Variants in DLGAP2 observed in about 807,000 individuals in gnomAD.
DLGAP2 encodes the protein disks large-associated protein 2.
DLGAP2 carries 26 observed loss-of-function variants against 100.3 expected under a neutral mutation model. The ratio of observed to expected loss-of-function variants is 0.26; its 90% CI spans 0.19 to 0.36. DLGAP2 has a LOEUF of 0.36. DLGAP2 is among the 10% of genes least tolerant of loss of function. The probability of loss-of-function intolerance (pLI) is 1.00; values close to 1 mark genes in which losing one functional copy is unlikely to be tolerated. For synonymous variants in DLGAP2, 886 were observed against 630.1 expected (o/e 1.41, Z -6.08); for missense variants, 1,858 against 1,453.2 (o/e 1.28, Z -4.53).
At chr8:1,627,319 TGCCGGTCG>T (rs546407781) in intron 7 of DLGAP2, among the ~76,000 whole-genome samples, 13 of 152,296 alleles carry the variant, frequency 8.5e-5, no homozygotes, top group Non-Finnish European at 1.3e-4. Flanking sequence ...CACAGAGTCC[TGCCGGTCG>T]GCCCCACTCC....
At chr8:781,377 G>T (rs555624641) in intron 1 of DLGAP2, among the ~76,000 whole-genome samples, 4 of 151,880 alleles carry the variant, frequency 2.6e-5, no homozygotes, top group Admixed American at 6.6e-5. Flanking sequence ...TTCATGGAAG[G>T]GTTAGGAACA....
rs144839232 is a variant in DLGAP2, at chr8:1,595,278, A to G, written c.1442+29384A>G. On this transcript the variant is annotated intron_variant, in intron 6 of 14. Transcript: ENST00000637795. ...TTTTACGGGCTTTTTTTAAATATAT[A>G]TAAACTTTTTATTGACAAATAACAT... is the stretch of plus-strand genomic sequence containing the variant. Among the ~76,000 whole-genome samples the G allele has an allele frequency of 9.3e-4, 142 of 152,130 alleles. 2 individuals are homozygous for G. The East Asian group carries it at 0.024, about 26-fold the overall frequency.
At chr8:854,551 C>A (rs149548441) in intron 1 of DLGAP2, among the ~76,000 whole-genome samples, 2 of 151,922 alleles carry the variant, frequency 1.3e-5, no homozygotes, top group African/African-American at 2.4e-5. Context: ...CATGTGTGTT[C>A]ATGTGTGCAT....
Position 1,444,582 on chromosome 8 carries a change from G to A in DLGAP2, c.107-56784G>A, listed in dbSNP as rs181548749. ...TCAAAGAGCACATTGACAATGCTCC[G>A]TGATTCCGAGAACCCTCCCTCCACC... On this transcript the variant is annotated intron_variant, in intron 3 of 14. Coordinates refer to ENST00000637795, the MANE Select transcript of DLGAP2 (RefSeq NM_001346810.2). Among the ~76,000 whole-genome samples the A allele has an allele frequency of 6.6e-5, 10 of 152,008 alleles. No homozygotes were observed. The East Asian group carries it at 1.6e-3, about 24-fold the overall frequency.
At chr8:1,158,107 C>T (rs1796825502) in intron 2 of DLGAP2, among the ~76,000 whole-genome samples, 1 of 152,232 alleles carries the variant, frequency 6.6e-6, no homozygotes, top group Non-Finnish European at 1.5e-5. Context: ...TTTAGTTTTT[C>T]TAATAGACCA....
At chr8:1,596,003 C>G (rs1332490865) in intron 6 of DLGAP2, among the ~76,000 whole-genome samples, 1 of 151,916 alleles carries the variant, frequency 6.6e-6, no homozygotes, top group African/African-American at 2.4e-5. Flanking sequence ...GGTGTAACCC[C>G]TAATGCTATC....
chr8:894,303 C>T lies in DLGAP2; in HGVS notation c.19-13609C>T, dbSNP rs993920497. Among the ~76,000 whole-genome samples, 6 of 152,140 alleles carry T rather than the reference C, an allele frequency of 3.9e-5. No homozygotes were observed. The South Asian group carries it at 1.0e-3, about 26-fold the overall frequency. On this transcript the variant is annotated intron_variant, in intron 1 of 14. Coordinates refer to ENST00000637795, the MANE Select transcript of DLGAP2 (RefSeq NM_001346810.2). ...GCACGGTCGAGACATCTCTGTGTTACAGAGACTGGTGTGACAGGGACAGGG... is the reference window on the plus strand; with the variant it reads ...GCACGGTCGAGACATCTCTGTGTTATAGAGACTGGTGTGACAGGGACAGGG...
chr8:821,425 A>G (rs936337477), intron 1 of DLGAP2, among the ~76,000 whole-genome samples: 2 of 152,218 alleles, frequency 1.3e-5, no homozygotes, highest in African/African-American at 2.4e-5. Flanking sequence ...AAAAAACACA[A>G]GTGTTCGTAC....
chr8:1,646,950 G>C (rs539771153), intron 8 of DLGAP2, among the ~76,000 whole-genome samples: 2 of 152,324 alleles, frequency 1.3e-5, no homozygotes, highest in East Asian at 1.9e-4. Context: ...CGTCGGAAAG[G>C]CCAGGGCACA....
intron 3 of DLGAP2, among the ~76,000 whole-genome samples, chr8:1,361,822 A>T (rs1451449953): frequency 6.6e-6 from 1 of 152,212 alleles, no homozygotes; most frequent in Non-Finnish European, 1.5e-5. Context: ...TTCTAAGAGA[A>T]ACGTGCTCGC....
intron 2 of DLGAP2, among the ~76,000 whole-genome samples, chr8:913,299 A>C (rs929195937): frequency 2.0e-5 from 3 of 152,200 alleles, no homozygotes; most frequent in African/African-American, 2.4e-5. Context: ...TCTGTTTGAT[A>C]ATTGTAAATC....
chr8:883,854 T>C (rs1797869007), intron 1 of DLGAP2, among the ~76,000 whole-genome samples: 1 of 152,232 alleles, frequency 6.6e-6, no homozygotes, highest in Non-Finnish European at 1.5e-5. Context: ...TGTGTTCTCA[T>C]TGTTCATCTC....
At chr8:1,134,289 G>A (rs899108486) in intron 2 of DLGAP2, among the ~76,000 whole-genome samples, 3 of 152,140 alleles carry the variant, frequency 2.0e-5, no homozygotes, top group Non-Finnish European at 2.9e-5. Flanking sequence ...GAATAGTGCT[G>A]CAATGAACGT....
At chr8:1,246,266 A>G (rs1210968360) in intron 2 of DLGAP2, among the ~76,000 whole-genome samples, 1 of 152,216 alleles carries the variant, frequency 6.6e-6, no homozygotes, top group Non-Finnish European at 1.5e-5. Context: ...AGTTCTAGAA[A>G]CTTGCAGTCA....
chr8:1,151,533 C>G (rs1796697175), intron 2 of DLGAP2, among the ~76,000 whole-genome samples: 1 of 152,178 alleles, frequency 6.6e-6, no homozygotes, highest in Non-Finnish European at 1.5e-5. Flanking sequence ...ATCCTCAGTG[C>G]AGGCTTTCCG....
chr8:1,436,940 C>G (rs1584901528), intron 3 of DLGAP2, among the ~76,000 whole-genome samples: 1 of 152,366 alleles, frequency 6.6e-6, no homozygotes, highest in African/African-American at 2.4e-5. Context: ...GTCTTCAGTG[C>G]AGTCACACGC....
chr8:945,606 A>G (rs1027324683), intron 2 of DLGAP2, among the ~76,000 whole-genome samples: 1 of 152,114 alleles, frequency 6.6e-6, no homozygotes, highest in Non-Finnish European at 1.5e-5. Flanking sequence ...CTTAACGTGC[A>G]TTTGTGTAAG....
At chr8:1,437,544 T>G (rs1797681616) in intron 3 of DLGAP2, among the ~76,000 whole-genome samples, 1 of 152,338 alleles carries the variant, frequency 6.6e-6, no homozygotes, top group African/African-American at 2.4e-5. Context: ...TTCACGTGGA[T>G]GGATGGATCA....
chr8:926,024 T>C (rs1400388127), intron 2 of DLGAP2, among the ~76,000 whole-genome samples: 1 of 152,126 alleles, frequency 6.6e-6, no homozygotes, highest in Non-Finnish European at 1.5e-5. Context: ...TCCGGGCCGC[T>C]CGGGGGCACA....
Sources: allele counts gnomAD v4.1 joint callset (sites outside exome capture counted in the v4.1 genomes callset), GRCh38; gene constraint gnomAD v4.1.1; transcripts MANE v1.5; gene names NCBI Gene and HGNC (gene_info 2026-07-23, HGNC 2026-07-21).